WDR91: variants seen among roughly 807,000 people sequenced by gnomAD.
The protein encoded by WDR91 is WD repeat domain 91.
A neutral mutation model predicts 88.4 loss-of-function variants in WDR91; 52 were observed. The ratio of observed to expected loss-of-function variants is 0.59; its 90% CI spans 0.47 to 0.74. The LOEUF (loss-of-function observed/expected upper bound fraction) is 0.74, where lower values mean the gene tolerates loss of function less well. Among genes scored for constraint, WDR91 ranks in the 30% least tolerant of loss-of-function variants. The pLI, the probability that WDR91 is intolerant of heterozygous loss-of-function variation, is 0.00. For synonymous variants in WDR91, 362 were observed against 389.5 expected, an observed-to-expected ratio of 0.93 and a Z score of 0.83; for missense variants, 824 against 954.5, an observed-to-expected ratio of 0.86 and a Z score of 1.80.
At chr7:135,208,663 G>A in intron 3 of WDR91, 128 bp downstream of exon 3, 1 of 776,622 alleles carries the variant, frequency 1.3e-6, no homozygotes. Context: ...GCCCCCTCAT[G>A]TGACCCATAA....
At chr7:135,195,350 C>T (rs142868183) in intron 8 of WDR91, among the ~76,000 whole-genome samples, 153 of 152,370 alleles carry the variant, frequency 1.0e-3, no homozygotes, top group Middle Eastern at 3.4e-3. Context: ...CAGGGCCCTG[C>T]CCTGAGGCCA....
intron 11 of WDR91, among the ~76,000 whole-genome samples, chr7:135,189,858 C>T (rs192486902): frequency 4.8e-4 from 73 of 152,322 alleles, no homozygotes; most frequent in African/African-American, 1.7e-3. Flanking sequence ...TATGGCTCCC[C>T]ACAGAAACAC....
In WDR91 at chr7:135,207,137, C is replaced by T. The variant is rs764418488; in HGVS notation, c.577G>A (p.Glu193Lys). The T allele has an allele frequency of 6.2e-7, 1 of 1,606,998 alleles. No individual in the cohort carries two copies. The highest frequency in any genetic ancestry group is 1.1e-5 in the South Asian group (1 of 90,962). ...GAACAAACCTTCTGACGCAGAACTT[C>T]ATTTTCTTCTTGAACCTGGTTAGTC... ...QRTNQVQEEN[E>K]VLRQKLFALQ... Residue 193 changes from glutamate to lysine, a missense_variant, in exon 4 of 15, where the codon GAA becomes AAA. By Grantham distance (56) the Glu-to-Lys change is moderately conservative. Transcript: ENST00000354475.
intron 13 of WDR91, among the ~76,000 whole-genome samples, chr7:135,187,848 C>T (rs1040959054): frequency 6.6e-6 from 1 of 152,152 alleles, no homozygotes; most frequent in Non-Finnish European, 1.5e-5. Flanking sequence ...TTTGTAGTTA[C>T]TCCTTTCAAG....
chr7:135,195,245 T>C (rs1424890120), intron 8 of WDR91, among the ~76,000 whole-genome samples, 161 bp from the exon 9 acceptor site: 1 of 152,246 alleles, frequency 6.6e-6, no homozygotes, highest in Non-Finnish European at 1.5e-5. Flanking sequence ...TCTAGAAATA[T>C]TCATTCATTC....
intron 14 of WDR91, 88 bp from the exon 15 acceptor site, chr7:135,186,403 G>C (rs1830944137): frequency 1.4e-6 from 2 of 1,410,006 alleles, no homozygotes; most frequent in Admixed American, 2.6e-5. Context: ...CTGAGGATGT[G>C]CCTGAGGCCA....
chr7:135,190,579 T>C (rs1245466174), intron 11 of WDR91, among the ~76,000 whole-genome samples: 1 of 150,876 alleles, frequency 6.6e-6, no homozygotes, highest in African/African-American at 2.4e-5. Flanking sequence ...AGATTTATAA[T>C]GAGAACATAC....
At position 135,194,983 on chromosome 7, in the gene WDR91, G is replaced by A; in HGVS notation, c.1346C>T (p.Ser449Phe). 1 of 1,614,154 alleles carries A rather than the reference G, an allele frequency of 6.2e-7. No individual in the cohort carries two copies. Among genetic ancestry groups the A allele is most frequent in the Non-Finnish European group, 8.5e-7 (1 of 1,180,028 alleles). ...TTCCAAAGACAGCAGCGGTGATTTG[G>A]AAATGGAGGATGCTTTGGTCTGCAT... is the stretch of plus-strand genomic sequence containing the variant. ...PIMQTKASSISKSPLLSLEWA... is the reference protein window; with the variant it reads ...PIMQTKASSIFKSPLLSLEWA... Residue 449 changes from serine to phenylalanine, a missense_variant, in exon 9 of 15, where the codon TCC becomes TTC. Ser to Phe is a radical substitution (Grantham distance 155, BLOSUM62 -2). Coordinates refer to ENST00000354475, the MANE Select transcript of WDR91 (RefSeq NM_014149.4).
At position 135,186,008 on chromosome 7, in the gene WDR91, ACCTGAGCCTCCTTGCCAGTCTTTCCCTG is replaced by A. The variant is rs1830922110; in HGVS notation, c.*115_*142del. The A allele has an allele frequency of 1.0e-6, 1 of 957,624 alleles. No individual in the cohort carries two copies. Among genetic ancestry groups the A allele is most frequent in the Non-Finnish European group, 1.5e-6 (1 of 682,508 alleles). 59.3% of individuals were successfully genotyped at this position (957,624 alleles called of 1,614,324 possible). A position where few individuals can be genotyped will look rare whatever the true frequency, so the allele number is the denominator to read the frequency against. ...CATTCCAGTCACCACAGATGGAAGC[ACCTGAGCCTCCTTGCCAGTCTTTCCCTG>A]CAGAGTCACTGCACTGGCAGGGAGC... On this transcript the variant is annotated 3_prime_UTR_variant, in exon 15 of 15. Transcript: ENST00000354475.
rs1373973733 is a variant in WDR91 at position 135,206,035 on chromosome 7, G to A, written c.618C>T (p.Ile206=). The A allele has an allele frequency of 1.2e-6, 2 of 1,614,240 alleles. No homozygotes were observed. Among genetic ancestry groups the A allele is most frequent in the East Asian group, 2.2e-5 (1 of 44,884 alleles). The change falls in exon 5 of 15, where the codon ATC becomes ATT. Residue 206 remains isoleucine (I), a synonymous_variant. Transcript: ENST00000354475. ...RQKLFALQAE[I]HRLKKEEQQP... ...GTTGCTCCTCTTTCTTCAGTCGGTGGATTTCAGCTTGCAATGCAAAAAGCT... is the reference window on the plus strand; with the variant it reads ...GTTGCTCCTCTTTCTTCAGTCGGTGAATTTCAGCTTGCAATGCAAAAAGCT...
chr7:135,191,968 C>T (rs1156705747), intron 11 of WDR91, among the ~76,000 whole-genome samples: 3 of 151,906 alleles, frequency 2.0e-5, no homozygotes, highest in Non-Finnish European at 4.4e-5. Flanking sequence ...GGGAGGGGCA[C>T]GAGAGATAGG....
At position 135,198,037 on chromosome 7, in the gene WDR91, G is replaced by C; in HGVS notation, c.1006C>G (p.His336Asp). ...AAAAGCTCCTTCCTCTCCTTGCCAT[G>C]GTCCTGCAGGCGCCGCTGCCGGTGC... ...SQHRQRRLQD[H>D]GKERKELFST... The change falls in exon 7 of 15, where the codon CAT (histidine) becomes GAT (aspartate). Residue 336 changes from histidine to aspartate, a missense_variant. Physicochemically the swap from His to Asp is moderately conservative, Grantham distance 81 (BLOSUM62 -1). Transcript: ENST00000354475. 1 of 1,614,186 alleles carries C rather than the reference G, an allele frequency of 6.2e-7. No homozygotes were observed. The highest frequency in any genetic ancestry group is 1.1e-5 in the South Asian group (1 of 91,082).
intron 1 of WDR91, chr7:135,210,846 A>T: frequency 1.4e-6 from 1 of 703,740 alleles, no homozygotes; most frequent in Non-Finnish European, 2.6e-6. Flanking sequence ...GCAATGGAAA[A>T]TCATTTTAGA....
intron 7 of WDR91, chr7:135,197,692 A>C: frequency 3.8e-6 from 1 of 263,286 alleles, no homozygotes. Flanking sequence ...ACCTAAGGGA[A>C]GGATGAGTAT....
In WDR91 at chr7:135,184,515, T is replaced by A. The variant is rs544684104; in HGVS notation, c.*1636A>T. On this transcript the variant is annotated 3_prime_UTR_variant, in exon 15 of 15. Transcript: ENST00000354475. ...CCTCCCATAAGCTCTGCCTCAGCTGTGAAAGGCAAGAGGGAGAAGGGGAGT... is the reference window on the plus strand; with the variant it reads ...CCTCCCATAAGCTCTGCCTCAGCTGAGAAAGGCAAGAGGGAGAAGGGGAGT... 5.3e-5 allele frequency: 8 copies of A among 152,372 alleles called. No individual in the cohort carries two copies. Among genetic ancestry groups the A allele is most frequent in the Middle Eastern group, 3.4e-3 (1 of 294 alleles). The allele number at this position is 152,372 out of a possible 1,614,324, so 9.4% of individuals were successfully genotyped here.
chr7:135,193,520 C>G (rs1378700911), intron 10 of WDR91, 58 bp downstream of exon 10: 3 of 1,611,746 alleles, frequency 1.9e-6, no homozygotes, highest in African/African-American at 1.3e-5. Context: ...AGGACCAGCC[C>G]CGCGGACCAC....
chr7:135,186,442 CTGTT>C (rs1207460637), intron 14 of WDR91, 127 bp from the exon 15 acceptor site: 1 of 1,061,894 alleles, frequency 9.4e-7, no homozygotes, highest in Admixed American at 3.2e-5. Flanking sequence ...TCCAGAAAGT[CTGTT>C]TAACTTTTTG....
At chr7:135,203,964 G>A (rs1308565356) in intron 6 of WDR91, among the ~76,000 whole-genome samples, 2 of 152,236 alleles carry the variant, frequency 1.3e-5, no homozygotes, top group Non-Finnish European at 2.9e-5. Flanking sequence ...CTGCAGTCTA[G>A]CCAGAGGTGA....
At chr7:135,203,747 A>G (rs1831658332) in intron 6 of WDR91, among the ~76,000 whole-genome samples, 1 of 151,892 alleles carries the variant, frequency 6.6e-6, no homozygotes, top group African/African-American at 2.4e-5. Context: ...TAGGAAATTT[A>G]TGAGAAAAGA....
Sources: gnomAD v4.1 joint callset for allele counts (sites outside exome capture counted in the v4.1 genomes callset) on GRCh38, gnomAD v4.1.1 for gene constraint, MANE v1.5 for transcripts, NCBI Gene and HGNC (gene_info 2026-07-23, HGNC 2026-07-21) for gene names.